The following NBAS variants were observed in gnomAD, a reference collection of about 807,000 sequenced individuals.
NBAS encodes the protein NAG/BC035112 fusion.
In NBAS, 219 loss-of-function variants were observed where a neutral mutation model predicts 302.5. The ratio of observed to expected loss-of-function variants is 0.72; its 90% CI spans 0.65 to 0.81. The LOEUF is 0.81. Among genes scored for constraint, NBAS ranks in the 30% least tolerant of loss-of-function variants. The probability of loss-of-function intolerance (pLI) is 0.00; values close to 1 mark genes in which losing one functional copy is unlikely to be tolerated. For synonymous variants in NBAS, 1,118 were observed against 1,021.6 expected (o/e 1.09, Z -1.80); for missense variants, 2,932 against 2,841.6 (o/e 1.03, Z -0.72).
chr2:15,339,134 A>T (rs1672734261), intron 35 of NBAS, among the ~76,000 whole-genome samples: 1 of 152,196 alleles, frequency 6.6e-6, no homozygotes, highest in African/African-American at 2.4e-5. Flanking sequence ...TCTGGAAAAA[A>T]TAGAGGTGTA....
At chr2:14,796,931 A>AAAAAAAAAAAAG in the NBAS span, among the ~76,000 whole-genome samples, 1 of 149,492 alleles carries the variant, frequency 6.7e-6, no homozygotes, top group Non-Finnish European at 1.5e-5. Context: ...AAAAAAAAAA[A>AAAAAAAAAAAAG]AAAAAAAAAT....
the NBAS span, among the ~76,000 whole-genome samples, chr2:14,841,515 A>C: frequency 9.8e-4 from 144 of 147,080 alleles, no homozygotes; most frequent in Non-Finnish European, 1.8e-3. Context: ...AAAAAAAAAA[A>C]CAGGAAAAGC....
intron 10 of NBAS, among the ~76,000 whole-genome samples, chr2:15,504,649 A>G (rs1558396231): frequency 6.6e-6 from 1 of 152,198 alleles, no homozygotes; most frequent in Non-Finnish European, 1.5e-5. Flanking sequence ...GCATAAAATA[A>G]TTTAATATAA....
chr2:15,192,395 T>G (rs1439839176), intron 48 of NBAS, among the ~76,000 whole-genome samples: 1 of 152,104 alleles, frequency 6.6e-6, no homozygotes, highest in Admixed American at 6.5e-5. Flanking sequence ...ATAAAATAAT[T>G]TAGTATAAAT....
the NBAS span, among the ~76,000 whole-genome samples, chr2:14,946,714 A>G: frequency 6.6e-6 from 1 of 152,202 alleles, no homozygotes; most frequent in Non-Finnish European, 1.5e-5. Flanking sequence ...ACATTTACCC[A>G]ACTATTGTAG....
the NBAS span, among the ~76,000 whole-genome samples, chr2:15,028,117 A>G: frequency 6.6e-6 from 1 of 152,170 alleles, no homozygotes; most frequent in Non-Finnish European, 1.5e-5. Context: ...CACAGAAAAA[A>G]CCTGAAAGAT....
chr2:15,192,567 A>T (rs926332906), intron 48 of NBAS, among the ~76,000 whole-genome samples: 1 of 152,160 alleles, frequency 6.6e-6, no homozygotes. Context: ...CAACTACACA[A>T]ATGATACTTT....
chr2:14,869,740 TG>T, the NBAS span, among the ~76,000 whole-genome samples: 1 of 152,298 alleles, frequency 6.6e-6, no homozygotes, highest in Admixed American at 6.5e-5. Context: ...CCATGACTGC[TG>T]CCCTTATCCA....
At chr2:15,201,355 C>T (rs1665869195) in intron 48 of NBAS, among the ~76,000 whole-genome samples, 1 of 152,174 alleles carries the variant, frequency 6.6e-6, no homozygotes, top group African/African-American at 2.4e-5. Context: ...CTAGCAATAC[C>T]AGACCTCTGC....
intron 15 of NBAS, among the ~76,000 whole-genome samples, chr2:15,473,842 T>A (rs1680066725): frequency 6.6e-6 from 1 of 152,234 alleles, no homozygotes; most frequent in African/African-American, 2.4e-5. Context: ...ACCAAGTGGA[T>A]AATCAGTCTA....
chr2:15,070,002 C>A, the NBAS span, among the ~76,000 whole-genome samples: 1 of 151,950 alleles, frequency 6.6e-6, no homozygotes, highest in Non-Finnish European at 1.5e-5. Flanking sequence ...AGAACCCCCC[C>A]ACCATGAGAA....
intron 21 of NBAS, among the ~76,000 whole-genome samples, chr2:15,430,982 T>A (rs948843279): frequency 6.6e-6 from 1 of 151,942 alleles, no homozygotes; most frequent in African/African-American, 2.4e-5. Context: ...CTAATTTTTT[T>A]TTTTTTTAGA....
intron 51 of NBAS, among the ~76,000 whole-genome samples, chr2:15,175,493 A>T (rs1256911799): frequency 6.6e-6 from 1 of 152,248 alleles, no homozygotes; most frequent in Non-Finnish European, 1.5e-5. Context: ...AGAGGCTTCC[A>T]TCCAAACAGA....
At chr2:15,201,267 G>C (rs545663832) in intron 48 of NBAS, among the ~76,000 whole-genome samples, 2 of 152,252 alleles carry the variant, frequency 1.3e-5, no homozygotes, top group African/African-American at 2.4e-5. Flanking sequence ...TGTATGCAAG[G>C]CTTCAAAAAA....
intron 15 of NBAS, among the ~76,000 whole-genome samples, 191 bp from the exon 16 acceptor site, chr2:15,473,538 A>G (rs554948250): frequency 1.2e-4 from 18 of 152,320 alleles, no homozygotes; most frequent in Non-Finnish European, 2.4e-4. Flanking sequence ...CAGCACTTCA[A>G]CAGAAAGATG....
At chr2:15,360,329 T>C (rs1456554503) in intron 32 of NBAS, among the ~76,000 whole-genome samples, 1 of 88,998 alleles carries the variant, frequency 1.1e-5, no homozygotes, top group Non-Finnish European at 2.8e-5. Context: ...TTACCATAAC[T>C]TAAAAAAAAA....
the NBAS span, among the ~76,000 whole-genome samples, chr2:15,117,109 C>T: frequency 1.3e-5 from 2 of 152,094 alleles, no homozygotes; most frequent in Non-Finnish European, 2.9e-5. Context: ...ACATGGCAAA[C>T]TGTGGGTCTG....
the NBAS span, among the ~76,000 whole-genome samples, chr2:14,887,727 C>T: frequency 4.5e-3 from 692 of 152,316 alleles, 2 homozygotes; most frequent in Non-Finnish European, 8.2e-3. Context: ...TACTGCACAG[C>T]CCCCGGTTCC....
At chr2:15,504,411 T>C (rs1282054145) in intron 10 of NBAS, among the ~76,000 whole-genome samples, 198 bp from the exon 11 acceptor site, 1 of 152,150 alleles carries the variant, frequency 6.6e-6, no homozygotes, top group East Asian at 1.9e-4. Flanking sequence ...AGTGGTACAA[T>C]CTTACAAAAG....
Sources: allele counts gnomAD v4.1 joint callset (sites outside exome capture counted in the v4.1 genomes callset), GRCh38; gene constraint gnomAD v4.1.1; transcripts MANE v1.5; gene names NCBI Gene and HGNC (gene_info 2026-07-23, HGNC 2026-07-21).